Variants in MYH14 observed in about 807,000 individuals in gnomAD.
MYH14 encodes the protein myosin-14.
Under a neutral mutation model 255.5 loss-of-function variants are expected in MYH14, and 123 were observed. That is an observed-to-expected ratio of 0.48 (90% confidence interval 0.42 to 0.56). The LOEUF (loss-of-function observed/expected upper bound fraction) is 0.56. MYH14 is among the 20% of genes least tolerant of loss of function. MYH14 has a pLI of 0.00. For synonymous variants in MYH14, 1,095 were observed against 1,161.2 expected, an observed-to-expected ratio of 0.94 and a Z score of 1.16; for missense variants, 2,423 against 2,802.3, an observed-to-expected ratio of 0.86 and a Z score of 3.06.
intron 41 of MYH14, chr19:50,308,496 C>G (rs1265527814): frequency 2.0e-5 from 3 of 153,198 alleles, no homozygotes; most frequent in Admixed American, 2.0e-4. Flanking sequence ...GTGATGGGAG[C>G]TCATTGACTC....
At chr19:50,245,432 AG>A (rs1568492950) in intron 11 of MYH14, among the ~76,000 whole-genome samples, 83,636 of 121,430 alleles carry the variant, frequency 0.69, 30,575 homozygotes, top group Non-Finnish European at 0.78. Context: ...AAAAAAAAAA[AG>A]AAGAAGAAAG....
chr19:50,254,217 C>CAA (rs56737609), intron 16 of MYH14, among the ~76,000 whole-genome samples: 7 of 85,318 alleles, frequency 8.2e-5, no homozygotes, highest in African/African-American at 1.5e-4. Context: ...AACTCTGTCT[C>CAA]AAAAAAAAAA....
Position 50,272,732 on chromosome 19 carries a change from G to C in MYH14, c.3467+1G>C. On this transcript the variant is annotated splice_donor_variant, in intron 27 of 42. Transcript: ENST00000642316. LOFTEE classifies it high-confidence loss of function. ...AGGAGCTGCAGGCTGCCCTGGCCAG[G>C]TGCAGGGTGGGGTGGGCTTGGTGGG... 6.5e-7 allele frequency: 1 copy of C among 1,550,046 alleles called. No individual in the cohort carries two copies. Among genetic ancestry groups the C allele is most frequent in the East Asian group, 2.4e-5 (1 of 40,962 alleles).
Position 50,250,499 on chromosome 19 carries a change from T to G in MYH14, c.1657-16T>G. On this transcript the variant is annotated splice_polypyrimidine_tract_variant and intron_variant, in intron 14 of 42. Transcript: ENST00000642316. The surrounding 1 kb of genome is among the most constrained non-coding windows in gnomAD (Gnocchi z 5.4). ...GTGGGGATCTGACTTACTCTCCCCC[T>G]GCTGTCAATGGCCAGGCCAACCCCC... is the stretch of plus-strand genomic sequence containing the variant. The G allele has an allele frequency of 6.2e-7, 1 of 1,610,020 alleles. No individual in the cohort carries two copies. The highest frequency in any genetic ancestry group is 8.5e-7 in the Non-Finnish European group (1 of 1,178,210).
Position 50,250,688 on chromosome 19 carries a change from G to C in MYH14, c.1830G>C (p.Lys610Asn). 6.2e-7 allele frequency: 1 copy of C among 1,609,882 alleles called. No homozygotes were observed. Among genetic ancestry groups the C allele is most frequent in the South Asian group, 1.1e-5 (1 of 90,964 alleles). ...TCAGTGTTCTCCACTACGCGGGCAA[G>C]GTAGGGGCTGGGGCCGGCCTTGGGG... ...ADFSVLHYAG[K>N]VDYKANEWLM... Residue 610 changes from lysine (K) to asparagine (N), a missense_variant and splice_region_variant, in exon 15 of 43, where the codon AAG becomes AAC. Lys to Asn is a moderately conservative substitution (Grantham distance 94). Coordinates refer to ENST00000642316, the MANE Select transcript of MYH14 (RefSeq NM_001145809.2). This position sits in a 1 kb window ranked among gnomAD's most constrained non-coding sequence, Gnocchi z 5.4.
chr19:50,307,293 T>C, intron 41 of MYH14, 136 bp downstream of exon 41: 1 of 605,830 alleles, frequency 1.7e-6, no homozygotes, highest in South Asian at 1.9e-5. Flanking sequence ...TGAATGCAGA[T>C]ACCATCTTGG....
chr19:50,302,628 C>T (rs1444164980), intron 40 of MYH14, among the ~76,000 whole-genome samples: 1 of 151,350 alleles, frequency 6.6e-6, no homozygotes, highest in Admixed American at 6.6e-5. Flanking sequence ...ATGCCAGGCA[C>T]GGTGGCTCAC....
rs762015938 is a variant in MYH14, at chr19:50,309,157, C to A, written c.5940C>A (p.Thr1980=). Residue 1980 remains threonine, a synonymous_variant, in exon 42 of 43, where the codon ACC becomes ACA. Transcript: ENST00000642316. The part of the protein sequence containing the change: ...ESAESMNREV[T]TLRNRLRRGP... ...CCGAGTCCATGAACCGTGAAGTGAC[C>A]ACACTGAGGAACCGGCTTCGGTATG... The A allele has an allele frequency of 2.5e-6, 4 of 1,613,692 alleles. No homozygotes were observed. Among genetic ancestry groups the A allele is most frequent in the East Asian group, 2.2e-5 (1 of 44,868 alleles).
intron 1 of MYH14, among the ~76,000 whole-genome samples, chr19:50,209,864 G>A (rs1208744731): frequency 7.3e-5 from 11 of 151,226 alleles, no homozygotes; most frequent in African/African-American, 2.2e-4. Context: ...TTGGGAGGCC[G>A]AGGCAGGCAG....
chr19:50,241,828 G>C (rs1230104782), intron 10 of MYH14, among the ~76,000 whole-genome samples: 2 of 152,080 alleles, frequency 1.3e-5, no homozygotes, highest in Non-Finnish European at 2.9e-5. Flanking sequence ...ATTTTTAGTA[G>C]AGACAGGTTT....
Position 50,221,441 on chromosome 19 carries a change from A to G in MYH14, c.563-1642A>G, listed in dbSNP as rs2032815194. Among the ~76,000 whole-genome samples the G allele has an allele frequency of 6.6e-6, 1 of 152,148 alleles. No individual in the cohort carries two copies. Among genetic ancestry groups the G allele is most frequent in the African/African-American group, 2.4e-5 (1 of 41,422 alleles). On this transcript the variant is annotated intron_variant, in intron 3 of 42. Coordinates refer to ENST00000642316, the MANE Select transcript of MYH14 (RefSeq NM_001145809.2). The surrounding 1 kb of genome is among the most constrained non-coding windows in gnomAD (Gnocchi z 5.3). ...CCAGAGGATGCCTGTCCTGCTTAAA[A>G]AAACATTCAGACCCTTTGATCATGG... is the stretch of plus-strand genomic sequence containing the variant.
At position 50,289,589 on chromosome 19, in the gene MYH14, C is replaced by T. The variant is rs1323949595; in HGVS notation, c.4906C>T (p.Arg1636Cys). Residue 1636 changes from arginine (R) to cysteine (C), a missense_variant, in exon 35 of 43, where the codon CGT becomes TGT. By Grantham distance (180) the Arg-to-Cys change is radical (BLOSUM62 -3). This residue lies in a region of MYH14 where 1,513 missense variants were observed against 1,674.8 expected (regional missense o/e 0.90). Transcript: ENST00000642316. ...GCAGGCTCTCAAGACTCAGCATGAG[C>T]GTGACCTGCAGGGCCGTGATGAGGC... ...TVQALKTQHERDLQGRDEAGE... is the reference protein window; with the variant it reads ...TVQALKTQHECDLQGRDEAGE... 12 of 1,612,700 alleles carry T rather than the reference C, an allele frequency of 7.4e-6. No individual in the cohort carries two copies. The South Asian group carries it at 7.7e-5, about 10-fold the overall frequency.
chr19:50,303,658 T>G (rs1333799093), intron 40 of MYH14, among the ~76,000 whole-genome samples: 1 of 152,188 alleles, frequency 6.6e-6, no homozygotes, highest in Admixed American at 6.5e-5. Flanking sequence ...GAATGTCTTT[T>G]TTTCAAGTGA....
chr19:50,263,286 T>A, intron 21 of MYH14, 26 bp from the exon 22 acceptor site: 4 of 1,466,890 alleles, frequency 2.7e-6, no homozygotes, highest in Non-Finnish European at 3.7e-6. Flanking sequence ...GCTCCCACTC[T>A]GCCCCTCACC....
In MYH14 at chr19:50,250,760, G is replaced by A; in HGVS notation, c.1830+72G>A. On this transcript the variant is annotated intron_variant, in intron 15 of 42. Coordinates refer to ENST00000642316, the MANE Select transcript of MYH14 (RefSeq NM_001145809.2). The surrounding 1 kb of genome is among the most constrained non-coding windows in gnomAD (Gnocchi z 5.4). ...GGATCTCCACTGGCTACAGATGGGG[G>A]GAGGGTGCAGAGGGAAAACAGGGTC... The A allele has an allele frequency of 1.3e-6, 2 of 1,498,634 alleles. No homozygotes were observed. Among genetic ancestry groups the A allele is most frequent in the African/African-American group, 1.4e-5 (1 of 72,672 alleles). 92.8% of individuals were successfully genotyped at this position (1,498,634 alleles called of 1,614,324 possible).
chr19:50,236,309 G>T (rs1479173555), intron 10 of MYH14, among the ~76,000 whole-genome samples: 6 of 152,032 alleles, frequency 3.9e-5, no homozygotes, highest in Admixed American at 1.3e-4. Flanking sequence ...CTCCAGCCTG[G>T]GCGACAAAGT....
rs759305694 is a variant in MYH14, at chr19:50,301,765, C to A, written c.5574C>A (p.Arg1858=). ...LERQIQELRG[R]LGEEDAGARA... is the part of the protein sequence containing the mutation. Reference sequence around the variant, plus strand: ...GGCAGATCCAGGAGCTACGGGGACGCCTGGGTGAGGAGGATGCTGGGGCCC... The same window carrying A: ...GGCAGATCCAGGAGCTACGGGGACGACTGGGTGAGGAGGATGCTGGGGCCC... Residue 1858 remains arginine, a synonymous_variant, in exon 40 of 43, where the codon CGC becomes CGA. Coordinates refer to ENST00000642316, the MANE Select transcript of MYH14 (RefSeq NM_001145809.2). The A allele has an allele frequency of 5.6e-6, 9 of 1,613,744 alleles. No homozygotes were observed. Among genetic ancestry groups the A allele is most frequent in the Non-Finnish European group, 7.6e-6 (9 of 1,179,868 alleles).
chr19:50,252,494 T>C lies in MYH14; in HGVS notation c.1831-145T>C. ...CATGCTGGTGGGGTGCAGTTCAGAA[T>C]ATGGACACAAGGTGGCACCAGTGCT... On this transcript the variant is annotated intron_variant, in intron 15 of 42. Transcript: ENST00000642316. The surrounding 1 kb of genome is among the most constrained non-coding windows in gnomAD (Gnocchi z 4.2). 3 of 673,558 alleles carry C rather than the reference T, an allele frequency of 4.5e-6. No homozygotes were observed. The highest frequency in any genetic ancestry group is 8.1e-6 in the Non-Finnish European group (3 of 369,794). 41.7% of individuals were successfully genotyped at this position (673,558 alleles called of 1,614,324 possible). A position where few individuals can be genotyped will look rare whatever the true frequency, so the allele number is the denominator to read the frequency against.
chr19:50,309,386 C>G, intron 42 of MYH14: 1 of 623,050 alleles, frequency 1.6e-6, no homozygotes, highest in South Asian at 1.9e-5. Context: ...ATCTCTGTGC[C>G]CTCCTTTCCC....
Sources: allele counts gnomAD v4.1 joint callset (sites outside exome capture counted in the v4.1 genomes callset), GRCh38; gene constraint gnomAD v4.1.1; regional missense constraint gnomAD v4.1.1; non-coding constraint Gnocchi (gnomAD v3.1); transcripts MANE v1.5; gene names NCBI Gene and HGNC (gene_info 2026-07-23, HGNC 2026-07-21).